The following AP1G2 variants were observed in gnomAD, a reference collection of about 807,000 sequenced individuals.
The protein encoded by AP1G2 is AP-1 complex subunit gamma-like 2.
In AP1G2, 85 loss-of-function variants were observed where a neutral mutation model predicts 95.8. That is an observed-to-expected ratio of 0.89 (90% CI 0.74 to 1.06). The LOEUF is 1.06. AP1G2 is among the 50% of genes least tolerant of loss of function. The pLI is 0.00. For synonymous variants in AP1G2, 378 were observed against 400.0 expected (o/e 0.94, Z 0.66); for missense variants, 967 against 1,005.8 (o/e 0.96, Z 0.52).
chr14:23,567,384 C>T lies in AP1G2; in HGVS notation c.-5-65G>A. ...GCGTGCCTGGGCTTTCGGCCCAGGC[C>T]CGTCCTGTGTCAAGACCCTAAGAGC... On this transcript the variant is annotated intron_variant, in intron 1 of 21. Transcript: ENST00000397120. This position sits in a 1 kb window ranked among gnomAD's most constrained non-coding sequence, Gnocchi z 5.3. The T allele has an allele frequency of 6.5e-7, 1 of 1,532,442 alleles. No homozygotes were observed. Among genetic ancestry groups the T allele is most frequent in the East Asian group, 2.4e-5 (1 of 41,998 alleles). 94.9% of individuals were successfully genotyped at this position (1,532,442 alleles called of 1,614,324 possible). A position where few individuals can be genotyped will look rare whatever the true frequency, so the allele number is the denominator to read the frequency against.
At chr14:23,560,612 A>G (rs1026092172) in intron 19 of AP1G2, 194 bp from the exon 20 acceptor site, 72 of 489,676 alleles carry the variant, frequency 1.5e-4, no homozygotes, top group African/African-American at 1.4e-3. Flanking sequence ...GCCGGGCGTG[A>G]GCCAGTAATC....
rs756560776 is a variant in AP1G2, at chr14:23,567,080, A to G, written c.204+31T>C. ...GACTCTGCCCCACTAGCCTTCATCA[A>G]GCTCAGGAGGGAGGTATTCCTGGCC... On this transcript the variant is annotated intron_variant, in intron 2 of 21. Transcript: ENST00000397120. This position sits in a 1 kb window ranked among gnomAD's most constrained non-coding sequence, Gnocchi z 5.3. The G allele has an allele frequency of 1.4e-5, 23 of 1,591,526 alleles. No individual in the cohort carries two copies. The highest frequency in any genetic ancestry group is 1.9e-5 in the Non-Finnish European group (22 of 1,171,058).
intron 7 of AP1G2, 42 bp downstream of exon 7, chr14:23,565,564 C>A: frequency 6.6e-7 from 1 of 1,513,528 alleles, no homozygotes; most frequent in Non-Finnish European, 9.2e-7. Flanking sequence ...TACTGCTATG[C>A]CCTCTCTGAT....
In AP1G2 at chr14:23,559,830, C is replaced by T. The variant is rs1883183621; in HGVS notation, c.2277G>A (p.Leu759=). 2 of 1,614,008 alleles carry T rather than the reference C, an allele frequency of 1.2e-6. No individual in the cohort carries two copies. The highest frequency in any genetic ancestry group is 2.2e-5 in the East Asian group (1 of 44,896). ...GGTGAAAGTGGTCGTAGGTGAGGCGCAGCTTTAGCCGCAGGGGGGCCTAGG... is the reference window on the plus strand; with the variant it reads ...GGTGAAAGTGGTCGTAGGTGAGGCGTAGCTTTAGCCGCAGGGGGGCCTAGG... ...NPNKAPLRLK[L]RLTYDHFHQS... Residue 759 remains leucine (L), a synonymous_variant, in exon 22 of 22, where the codon CTG becomes CTA. Coordinates refer to ENST00000397120, the MANE Select transcript of AP1G2 (RefSeq NM_003917.5).
chr14:23,561,357 G>T lies in AP1G2; in HGVS notation c.1932C>A (p.Asp644Glu), dbSNP rs1437427376. 1.3e-6 allele frequency: 2 copies of T among 1,593,634 alleles called. No individual in the cohort carries two copies. Among genetic ancestry groups the T allele is most frequent in the African/African-American group, 2.7e-5 (2 of 74,482 alleles). ...GTACCAGGGCACCTCCTGGGGAGGG[G>T]TCCAGATGGGGAGGATGCTGGACAT... ...SGDVQHPPHL[D>E]PSPGGALVHL... The change falls in exon 19 of 22, where the codon GAC (aspartate) becomes GAA (glutamate). Residue 644 changes from aspartate to glutamate, a missense_variant. Transcript: ENST00000397120.
chr14:23,562,857 G>T (rs184784720), intron 14 of AP1G2: 4 of 532,310 alleles, frequency 7.5e-6, no homozygotes, highest in Non-Finnish European at 1.3e-5. Context: ...CAGAGATGGT[G>T]GGGGGTTGGA....
At chr14:23,560,076 G>A (rs763229722) in intron 20 of AP1G2, 40 bp from the exon 21 acceptor site, 2 of 1,471,630 alleles carry the variant, frequency 1.4e-6, no homozygotes, top group Non-Finnish European at 1.9e-6. Context: ...ATGGCAGTAG[G>A]TAGGGCTCAG....
At position 23,566,379 on chromosome 14, in the gene AP1G2, A is replaced by G. The variant is rs1887987428; in HGVS notation, c.370T>C (p.Leu124=). Residue 124 remains leucine (L), a synonymous_variant, in exon 4 of 22, where the codon TTG becomes CTG. Coordinates refer to ENST00000397120, the MANE Select transcript of AP1G2 (RefSeq NM_003917.5). ...QGIQPVQGLA[L]CTLSTMGSAE... ...GAGCCCATGGTGCTCAAAGTGCACA[A>G]GGCCAGGCCTTGTACTGGCTGAATC... is the stretch of plus-strand genomic sequence containing the variant. 6.2e-7 allele frequency: 1 copy of G among 1,614,040 alleles called. No homozygotes were observed. The highest frequency in any genetic ancestry group is 8.5e-7 in the Non-Finnish European group (1 of 1,180,020).
chr14:23,560,529 G>C, intron 19 of AP1G2, 111 bp from the exon 20 acceptor site: 5 of 1,144,934 alleles, frequency 4.4e-6, no homozygotes, highest in East Asian at 2.6e-5. Context: ...TACTCGAAAG[G>C]CTAGTAACAA....
At chr14:23,565,003 G>T in intron 8 of AP1G2, 116 bp downstream of exon 8, 1 of 965,594 alleles carries the variant, frequency 1.0e-6, no homozygotes, top group South Asian at 1.4e-5. Flanking sequence ...TCACTGTCTA[G>T]AGGAGATGGA....
chr14:23,561,038 C>T, intron 19 of AP1G2: 1 of 1,151,740 alleles, frequency 8.7e-7, no homozygotes, highest in Non-Finnish European at 1.1e-6. Context: ...GAGAAGGGGG[C>T]AGTGAGTGGG....
intron 2 of AP1G2, 116 bp from the exon 3 acceptor site, chr14:23,566,802 C>T: frequency 7.1e-7 from 1 of 1,418,168 alleles, no homozygotes. Context: ...TATCTCATCA[C>T]TCTCCCTTCA....
chr14:23,564,573 C>G lies in AP1G2; in HGVS notation c.910G>C (p.Ala304Pro). 6.2e-7 allele frequency: 1 copy of G among 1,613,340 alleles called. No individual in the cohort carries two copies. The highest frequency in any genetic ancestry group is 8.5e-7 in the Non-Finnish European group (1 of 1,180,008). Reference sequence around the variant, plus strand: ...ATAAGGGGTGATACCCGTAGGCCAGCTGCAGAGCGGATATCCATGATGGTG... The same window carrying G: ...ATAAGGGGTGATACCCGTAGGCCAGGTGCAGAGCGGATATCCATGATGGTG... ...VLTIMDIRSA[A>P]GLRVLAVNIL... Residue 304 changes from alanine to proline, a missense_variant, in exon 9 of 22, where the codon GCT (alanine) becomes CCT (proline). Ala to Pro is a conservative substitution (Grantham distance 27). Transcript: ENST00000397120.
rs1327565234 is a variant in AP1G2 at position 23,564,160 on chromosome 14, C to T, written c.978-1G>A. ...AAGCAGTGATGTCAGGGCTACATAC[C>T]TGGTCAGGATGGGGGAGGTTCTATC... On this transcript the variant is annotated splice_acceptor_variant, in intron 10 of 21. Coordinates refer to ENST00000397120, the MANE Select transcript of AP1G2 (RefSeq NM_003917.5). LOFTEE classifies it high-confidence loss of function. 3 of 1,613,864 alleles carry T rather than the reference C, an allele frequency of 1.9e-6. No homozygotes were observed. The highest frequency in any genetic ancestry group is 1.7e-5 in the Admixed American group (1 of 59,970).
intron 8 of AP1G2, 65 bp from the exon 9 acceptor site, chr14:23,564,725 A>T: frequency 1.4e-6 from 2 of 1,461,378 alleles, no homozygotes; most frequent in East Asian, 4.6e-5. Flanking sequence ...TTTTTGATAC[A>T]GGGTCTCACT....
chr14:23,562,132 G>A (rs1885131070), intron 16 of AP1G2, 66 bp from the exon 17 acceptor site: 2 of 1,599,602 alleles, frequency 1.3e-6, no homozygotes, highest in Non-Finnish European at 1.7e-6. Context: ...AAGAAGGAAA[G>A]GCCCACGGAG....
At chr14:23,565,318 C>T in intron 7 of AP1G2, 119 bp from the exon 8 acceptor site, 1 of 1,055,776 alleles carries the variant, frequency 9.5e-7, no homozygotes, top group Non-Finnish European at 1.4e-6. Context: ...TCCCCCACCT[C>T]CTCACCTCCA....
chr14:23,563,528 C>T (rs775189531), intron 13 of AP1G2, 26 bp from the exon 14 acceptor site: 8 of 1,614,124 alleles, frequency 5.0e-6, no homozygotes, highest in Non-Finnish European at 6.8e-6. Flanking sequence ...ATGGCCAAGT[C>T]AGTGTGGTGA....
chr14:23,567,489 A>G lies in AP1G2; in HGVS notation c.-5-170T>C. On this transcript the variant is annotated intron_variant, in intron 1 of 21. Transcript: ENST00000397120. This position sits in a 1 kb window ranked among gnomAD's most constrained non-coding sequence, Gnocchi z 5.3. Reference sequence around the variant, plus strand: ...GGTCTCCAAATTCCGCGCCCACCCCACCGCCCGAGAAGCCCACTACGCATG... The same window carrying G: ...GGTCTCCAAATTCCGCGCCCACCCCGCCGCCCGAGAAGCCCACTACGCATG... The G allele has an allele frequency of 7.2e-7, 1 of 1,383,340 alleles. No homozygotes were observed. The highest frequency in any genetic ancestry group is 9.3e-7 in the Non-Finnish European group (1 of 1,076,698). 85.7% of individuals were successfully genotyped at this position (1,383,340 alleles called of 1,614,324 possible). A position where few individuals can be genotyped will look rare whatever the true frequency, so the allele number is the denominator to read the frequency against.
Sources: gnomAD v4.1 joint callset for allele counts on GRCh38, gnomAD v4.1.1 for gene constraint, Gnocchi (gnomAD v3.1) non-coding constraint, MANE v1.5 for transcripts, NCBI Gene and HGNC (gene_info 2026-07-23, HGNC 2026-07-21) for gene names.